The following PTCHD1 variants were observed in gnomAD, a reference collection of about 807,000 sequenced individuals.
PTCHD1 encodes the protein patched domain-containing protein 1.
Under a neutral mutation model 34.6 loss-of-function variants are expected in PTCHD1, and 3 were observed. The ratio of observed to expected loss-of-function variants is 0.09; its 90% CI spans 0.04 to 0.22. The LOEUF (loss-of-function observed/expected upper bound fraction) is 0.22, where lower values mean the gene tolerates loss of function less well. Among genes scored for constraint, PTCHD1 ranks in the 10% least tolerant of loss-of-function variants. PTCHD1 has a pLI of 1.00. For synonymous variants in PTCHD1, 305 were observed against 283.1 expected (o/e 1.08, Z -0.77); for missense variants, 504 against 685.5 (o/e 0.74, Z 2.96).
intron 2 of PTCHD1, among the ~76,000 whole-genome samples, chrX:23,385,236 C>A (rs1922657443): frequency 9.0e-6 from 1 of 111,635 alleles, no homozygotes; most frequent in African/African-American, 3.3e-5. Context: ...TTCTTATGCT[C>A]CACCAATCAT....
intron 1 of PTCHD1, among the ~76,000 whole-genome samples, chrX:23,353,074 A>G (rs757537042): frequency 8.9e-6 from 1 of 112,253 alleles, no homozygotes; most frequent in East Asian, 2.8e-4. Flanking sequence ...TATTAAGCGC[A>G]TGTGATAAAA....
chrX:23,342,265 C>CATAT (rs1921328923), intron 1 of PTCHD1, among the ~76,000 whole-genome samples: 3 of 57,473 alleles, frequency 5.2e-5, no homozygotes, highest in Admixed American at 1.9e-4. Flanking sequence ...TGTGTTTCTC[C>CATAT]CTATATATAT....
intron 2 of PTCHD1, among the ~76,000 whole-genome samples, chrX:23,387,731 C>T (rs1026386586): frequency 1.8e-5 from 2 of 111,752 alleles, no homozygotes; most frequent in African/African-American, 3.3e-5. Flanking sequence ...TTCAATCTCT[C>T]TCTCTCTCTT....
intron 1 of PTCHD1, among the ~76,000 whole-genome samples, chrX:23,362,568 G>A (rs142511742): frequency 0.018 from 1,987 of 111,697 alleles, 46 homozygotes; most frequent in African/African-American, 0.061. Flanking sequence ...CAATGGGTTC[G>A]AACATCCTCC....
At chrX:23,354,979 G>T (rs1372505636) in intron 1 of PTCHD1, among the ~76,000 whole-genome samples, 1 of 102,046 alleles carries the variant, frequency 9.8e-6, no homozygotes, top group Non-Finnish European at 2.0e-5. Context: ...TCTTTCTCCA[G>T]AGAAATCGTT....
chrX:23,388,886 G>A (rs1304663065), intron 2 of PTCHD1, among the ~76,000 whole-genome samples: 1 of 111,369 alleles, frequency 9.0e-6, no homozygotes, highest in East Asian at 2.8e-4. Flanking sequence ...GCCATCCACT[G>A]AAAGAGGAAA....
chrX:23,357,871 C>G (rs962262506), intron 1 of PTCHD1, among the ~76,000 whole-genome samples: 1 of 111,125 alleles, frequency 9.0e-6, no homozygotes, highest in Non-Finnish European at 1.9e-5. Context: ...CAAGTGTTCT[C>G]ATTATTTAAT....
At chrX:23,359,833 A>T (rs949316377) in intron 1 of PTCHD1, among the ~76,000 whole-genome samples, 1 of 111,946 alleles carries the variant, frequency 8.9e-6, no homozygotes, top group African/African-American at 3.3e-5. Flanking sequence ...ATCAATACCT[A>T]CTTTATTGAG....
At chrX:23,349,412 A>G (rs1281572774) in intron 1 of PTCHD1, among the ~76,000 whole-genome samples, 2 of 112,003 alleles carry the variant, frequency 1.8e-5, no homozygotes, top group African/African-American at 3.2e-5. Context: ...TATATTGTCT[A>G]TAAGAAACCC....
At position 23,394,407 on chromosome X, in the gene PTCHD1, T is replaced by TACAC. The variant is rs1195382947; in HGVS notation, c.*223_*224insCACA. On this transcript the variant is annotated 3_prime_UTR_variant, in exon 3 of 3. Transcript: ENST00000379361. Reference sequence around the variant, plus strand: ...GTTGTTATGAGAATTCACACACACATAGACACACACACACACACACACACA... The same window carrying TACAC: ...GTTGTTATGAGAATTCACACACACATACACAGACACACACACACACACACACACA... 5.2e-6 allele frequency: 1 copy of TACAC among 191,054 alleles called. No homozygotes were observed. The highest frequency in any genetic ancestry group is 8.9e-6 in the Non-Finnish European group (1 of 112,380). The allele number at this position is 191,054 out of a possible 1,213,427, so 15.7% of individuals were successfully genotyped here.
At chrX:23,341,549 T>G (rs1417332398) in intron 1 of PTCHD1, among the ~76,000 whole-genome samples, 1 of 111,664 alleles carries the variant, frequency 9.0e-6, no homozygotes, top group Non-Finnish European at 1.9e-5. Context: ...ACCTTTGAAG[T>G]CACCTGCTTG....
chrX:23,361,596 T>A (rs1025448060), intron 1 of PTCHD1, among the ~76,000 whole-genome samples: 5 of 111,934 alleles, frequency 4.5e-5, no homozygotes, highest in Non-Finnish European at 9.4e-5. Flanking sequence ...GCCTTGAGTC[T>A]TTATCCGATT....
At position 23,368,283 on chromosome X, in the gene PTCHD1, G is replaced by C. The variant is rs761522176; in HGVS notation, c.352-11308G>C. On this transcript the variant is annotated intron_variant, in intron 1 of 2. Transcript: ENST00000379361. ...TCTGCTCTTATTTTTTTAGATTATA[G>C]TTTAACCATATCCATTTGTCTAATG... Among the ~76,000 whole-genome samples, 42 of 111,765 alleles carry C rather than the reference G, an allele frequency of 3.8e-4. 1 individual carries two copies. Among genetic ancestry groups the C allele is most frequent in the African/African-American group, 1.2e-3 (38 of 30,814 alleles).
chrX:23,379,564 A>G, intron 1 of PTCHD1, 27 bp from the exon 2 acceptor site: 4 of 1,205,118 alleles, frequency 3.3e-6, no homozygotes, highest in Middle Eastern at 2.3e-4. Context: ...TTTGATTAAT[A>G]AATGCTGTCA....
intron 1 of PTCHD1, among the ~76,000 whole-genome samples, chrX:23,365,248 C>T (rs1922109770): frequency 8.9e-6 from 1 of 111,950 alleles, no homozygotes. Context: ...TCACAAGATC[C>T]TAGCTTTATT....
chrX:23,360,024 T>C (rs1397741621), intron 1 of PTCHD1, among the ~76,000 whole-genome samples: 1 of 112,137 alleles, frequency 8.9e-6, no homozygotes, highest in Non-Finnish European at 1.9e-5. Context: ...GGATAACCTT[T>C]TTGATGTGCT....
At chrX:23,387,645 G>C (rs1922717817) in intron 2 of PTCHD1, among the ~76,000 whole-genome samples, 1 of 111,583 alleles carries the variant, frequency 9.0e-6, no homozygotes, top group African/African-American at 3.3e-5. Context: ...CATTAGTGAA[G>C]AGCCCTGCTG....
At position 23,398,687 on chromosome X, in the gene PTCHD1, C is replaced by T. The variant is rs1223230490; in HGVS notation, c.*4502C>T. 1 of 111,836 alleles carries T rather than the reference C, an allele frequency of 8.9e-6. No homozygotes were observed. Among genetic ancestry groups the T allele is most frequent in the African/African-American group, 3.3e-5 (1 of 30,738 alleles). The allele number at this position is 111,836 out of a possible 1,213,427, so 9.2% of individuals were successfully genotyped here. A position where few individuals can be genotyped will look rare whatever the true frequency, so the allele number is the denominator to read the frequency against. ...GCTGGCAAAGAACTAAGAATGGCTG[C>T]AGCCAACACACTGCAGAGTTCCTCC... is the stretch of plus-strand genomic sequence containing the variant. On this transcript the variant is annotated 3_prime_UTR_variant, in exon 3 of 3. Coordinates refer to ENST00000379361, the MANE Select transcript of PTCHD1 (RefSeq NM_173495.3).
intron 2 of PTCHD1, among the ~76,000 whole-genome samples, chrX:23,382,336 G>T (rs182517719): frequency 8.9e-6 from 1 of 112,743 alleles, no homozygotes; most frequent in African/African-American, 3.2e-5. Context: ...AAATGAAATT[G>T]TAATATTCAA....
Sources: gnomAD v4.1 joint callset for allele counts (sites outside exome capture counted in the v4.1 genomes callset) on GRCh38, gnomAD v4.1.1 for gene constraint, MANE v1.5 for transcripts, NCBI Gene and HGNC (gene_info 2026-07-23, HGNC 2026-07-21) for gene names.